PTPRS: variants seen among roughly 807,000 people sequenced by gnomAD.
PTPRS encodes protein tyrosine phosphatase receptor type S.
A neutral mutation model predicts 215.3 loss-of-function variants in PTPRS; 63 were observed. The observed-to-expected ratio is 0.29, with a 90% CI of 0.24 to 0.36. The LOEUF (loss-of-function observed/expected upper bound fraction) is 0.36, where lower values mean the gene tolerates loss of function less well. PTPRS is among the 10% of genes least tolerant of loss of function. PTPRS has a pLI of 1.00. For missense variants in PTPRS, 2,258 were observed against 2,825.8 expected (o/e 0.80, Z 4.56); for synonymous variants, 1,404 against 1,191.4 (o/e 1.18, Z -3.68).
chr19:5,227,790 C>T (rs578115700), intron 16 of PTPRS, among the ~76,000 whole-genome samples: 1 of 152,276 alleles, frequency 6.6e-6, no homozygotes, highest in Admixed American at 6.5e-5. Context: ...CCACCACATC[C>T]TCAGCATCTA....
chr19:5,281,654 C>G (rs1568558767), intron 2 of PTPRS, among the ~76,000 whole-genome samples: 3 of 152,162 alleles, frequency 2.0e-5, no homozygotes, highest in African/African-American at 7.2e-5. Flanking sequence ...GGAATGGTGA[C>G]CCGGGGCCAT....
intron 5 of PTPRS, 140 bp downstream of exon 5, chr19:5,264,868 C>G (rs1004313220): frequency 3.0e-5 from 29 of 962,864 alleles, no homozygotes; most frequent in South Asian, 2.8e-4. Flanking sequence ...TGCCCCCACT[C>G]CCCCAGAGCC....
chr19:5,329,819 G>A (rs886514416), intron 1 of PTPRS, among the ~76,000 whole-genome samples: 3 of 151,426 alleles, frequency 2.0e-5, no homozygotes, highest in African/African-American at 7.3e-5. Flanking sequence ...GCTCACGCCT[G>A]GGATCCCAGC....
chr19:5,293,241 C>G lies in PTPRS; in HGVS notation c.-94-7007G>C, dbSNP rs1180695919. ...GGTCCGCCCGGAGCGCGGCGCGCAG[C>G]GAAGACTCGGGAGAGGCCTCGGCCT... On this transcript the variant is annotated intron_variant, in intron 1 of 37. Coordinates refer to ENST00000262963, the MANE Select transcript of PTPRS (RefSeq NM_002850.4). This position sits in a 1 kb window ranked among gnomAD's most constrained non-coding sequence, Gnocchi z 8.4. 8 of 150,596 alleles carry G rather than the reference C, an allele frequency of 5.3e-5. No individual in the cohort carries two copies. Among genetic ancestry groups the G allele is most frequent in the African/African-American group, 2.0e-4 (8 of 40,980 alleles). The allele number at this position is 150,596 out of a possible 1,614,324, so 9.3% of individuals were successfully genotyped here.
chr19:5,258,224 G>A (rs2045724643), intron 7 of PTPRS, 97 bp from the exon 8 acceptor site: 1 of 1,044,430 alleles, frequency 9.6e-7, no homozygotes, highest in Admixed American at 1.9e-5. Flanking sequence ...CCTGTCTCCT[G>A]TGCTGGCTGG....
chr19:5,217,013 T>C (rs2041538701), intron 25 of PTPRS, among the ~76,000 whole-genome samples: 1 of 152,194 alleles, frequency 6.6e-6, no homozygotes, highest in Admixed American at 6.5e-5. Context: ...TCCAAAGTGC[T>C]AGGTTCTTCT....
intron 13 of PTPRS, among the ~76,000 whole-genome samples, chr19:5,238,363 C>A (rs1487692426): frequency 4.6e-5 from 7 of 152,132 alleles, no homozygotes; most frequent in Admixed American, 4.6e-4. Context: ...CTGGCCTCGG[C>A]TCCGATTCCA....
chr19:5,340,400 A>C (rs1313145532), intron 1 of PTPRS, among the ~76,000 whole-genome samples: 2 of 147,666 alleles, frequency 1.4e-5, no homozygotes, highest in African/African-American at 2.5e-5. Context: ...GCCGCGGACG[A>C]AGCCCCCCCA....
intron 4 of PTPRS, among the ~76,000 whole-genome samples, chr19:5,268,239 C>T (rs370815010): frequency 5.1e-4 from 78 of 152,176 alleles, no homozygotes; most frequent in African/African-American, 1.8e-3. Context: ...CACGCCCATT[C>T]GTTTCTCAGC....
chr19:5,234,749 T>G (rs2043295392), intron 13 of PTPRS, among the ~76,000 whole-genome samples: 2 of 152,124 alleles, frequency 1.3e-5, no homozygotes, highest in Non-Finnish European at 2.9e-5. Flanking sequence ...GCCCCTACTG[T>G]GTGCCAGGCA....
chr19:5,206,762 G>C lies in PTPRS; in HGVS notation c.*12C>G. 6.2e-7 allele frequency: 1 copy of C among 1,613,014 alleles called. No homozygotes were observed. The highest frequency in any genetic ancestry group is 8.5e-7 in the Non-Finnish European group (1 of 1,178,992). On this transcript the variant is annotated 3_prime_UTR_variant, in exon 38 of 38. Transcript: ENST00000262963. The stretch of plus-strand genomic sequence containing the variant: ...GGGGCCAGTGGTGTCGGGCCTGGGG[G>C]GAACCATGGCTTTAGGTTGCATAGT...
intron 1 of PTPRS, among the ~76,000 whole-genome samples, chr19:5,305,538 G>C (rs1478375828): frequency 2.2e-5 from 3 of 139,324 alleles, no homozygotes; most frequent in Admixed American, 7.1e-5. Context: ...CAGAGAATGA[G>C]ACCCTATCTC....
rs141938928 is a variant in PTPRS, at chr19:5,340,047, A to G, written c.-95+617T>C. On this transcript the variant is annotated intron_variant, in intron 1 of 37. Coordinates refer to ENST00000262963, the MANE Select transcript of PTPRS (RefSeq NM_002850.4). Reference sequence around the variant, plus strand: ...GCAACGACAGGGCCCGGAGTGTTCCAGGGGAGACGGCGTAGACTAGGGGGT... The same window carrying G: ...GCAACGACAGGGCCCGGAGTGTTCCGGGGGAGACGGCGTAGACTAGGGGGT... Among the ~76,000 whole-genome samples, 1,461 of 151,838 alleles carry G rather than the reference A, an allele frequency of 9.6e-3. 22 individuals are homozygous for G. The highest frequency in any genetic ancestry group is 0.033 in the African/African-American group (1,355 of 41,452).
rs1568380126 is a variant in PTPRS at position 5,215,495 on chromosome 19, C to G, written c.4194+3G>C. 1 of 1,608,474 alleles carries G rather than the reference C, an allele frequency of 6.2e-7. No individual in the cohort carries two copies. ...TGAGGGTGGGAGGCGGGGGTGGGCT[C>G]ACCTCATACTCCTGGGAGAGCTTGA... On this transcript the variant is annotated splice_donor_region_variant and intron_variant, in intron 27 of 37. Coordinates refer to ENST00000262963, the MANE Select transcript of PTPRS (RefSeq NM_002850.4).
chr19:5,225,547 G>C (rs186870819), intron 17 of PTPRS, among the ~76,000 whole-genome samples, 180 bp downstream of exon 17: 2,934 of 152,102 alleles, frequency 0.019, 80 homozygotes, highest in East Asian at 0.11. Flanking sequence ...GCAGGGGCGG[G>C]GGGGGCCAAG....
intron 1 of PTPRS, among the ~76,000 whole-genome samples, chr19:5,302,311 G>A (rs2049326454): frequency 6.6e-6 from 1 of 152,106 alleles, no homozygotes; most frequent in South Asian, 2.1e-4. Flanking sequence ...TTGCAGGTGA[G>A]CTAAGATCCC....
Position 5,210,386 on chromosome 19 carries a change from C to CTT in PTPRS, c.5487+81_5487+82dup. 1 of 1,588,774 alleles carries CTT rather than the reference C, an allele frequency of 6.3e-7. No individual in the cohort carries two copies. The highest frequency in any genetic ancestry group is 1.3e-5 in the African/African-American group (1 of 74,658). Reference sequence around the variant, plus strand: ...CCAATGCTTATGCCTAACCCTTGGCCTTTGTATCCATCACCAACCAGGGCA... The same window carrying CTT: ...CCAATGCTTATGCCTAACCCTTGGCCTTTTTGTATCCATCACCAACCAGGGCA... On this transcript the variant is annotated intron_variant, in intron 35 of 37. Coordinates refer to ENST00000262963, the MANE Select transcript of PTPRS (RefSeq NM_002850.4). This position sits in a 1 kb window ranked among gnomAD's most constrained non-coding sequence, Gnocchi z 4.5.
intron 1 of PTPRS, among the ~76,000 whole-genome samples, chr19:5,335,323 T>C (rs999843278): frequency 6.6e-6 from 1 of 152,206 alleles, no homozygotes; most frequent in Non-Finnish European, 1.5e-5. Context: ...ACTGCGACTG[T>C]ACTGATCTTA....
Position 5,274,336 on chromosome 19 carries a change from T to TG in PTPRS, c.99dup (p.Arg34GlnfsTer26). The TG allele has an allele frequency of 6.4e-7, 1 of 1,558,172 alleles. No individual in the cohort carries two copies. Among genetic ancestry groups the TG allele is most frequent in the Non-Finnish European group, 8.7e-7 (1 of 1,147,198 alleles). On this transcript the variant is annotated frameshift_variant, in exon 3 of 38. Transcript: ENST00000262963. LOFTEE classifies it high-confidence loss of function. Reference sequence around the variant, plus strand: ...TGGTCCTTGGGTTCTTTGATAAACCTGGGGGGCTCTGGGGATACAGTGGAA... The same window carrying TG: ...TGGTCCTTGGGTTCTTTGATAAACCTGGGGGGGCTCTGGGGATACAGTGGAA...
Sources: allele counts gnomAD v4.1 joint callset (sites outside exome capture counted in the v4.1 genomes callset), GRCh38; gene constraint gnomAD v4.1.1; non-coding constraint Gnocchi (gnomAD v3.1); transcripts MANE v1.5; gene names NCBI Gene and HGNC (gene_info 2026-07-23, HGNC 2026-07-21).